Variants in ATP9B observed in about 807,000 individuals in gnomAD.
The protein encoded by ATP9B is probable phospholipid-transporting ATPase IIB.
A neutral mutation model predicts 146.1 loss-of-function variants in ATP9B; 110 were observed. The ratio of observed to expected loss-of-function variants is 0.75; its 90% CI spans 0.65 to 0.88. The LOEUF (loss-of-function observed/expected upper bound fraction) is 0.88, where lower values mean the gene tolerates loss of function less well. Ranked by LOEUF, ATP9B falls within the 40% of genes least tolerant of loss-of-function variation. The probability of loss-of-function intolerance (pLI) is 0.00; values close to 1 mark genes in which losing one functional copy is unlikely to be tolerated. For synonymous variants in ATP9B, 604 were observed against 569.7 expected (o/e 1.06, Z -0.86); for missense variants, 1,499 against 1,496.4 (o/e 1.00, Z -0.03).
chr18:79,299,649 A>G (rs2096576811), intron 13 of ATP9B, among the ~76,000 whole-genome samples: 1 of 152,176 alleles, frequency 6.6e-6, no homozygotes, highest in South Asian at 2.1e-4. Context: ...GCATTGTCTT[A>G]TTCATTTTTA....
chr18:79,345,875 G>C, intron 23 of ATP9B, 36 bp downstream of exon 23: 1 of 1,609,966 alleles, frequency 6.2e-7, no homozygotes, highest in Non-Finnish European at 8.5e-7. Context: ...TTAGCACACA[G>C]TCAGCACACA....
At chr18:79,339,391 T>C (rs1389816643) in intron 19 of ATP9B, among the ~76,000 whole-genome samples, 1 of 147,632 alleles carries the variant, frequency 6.8e-6, no homozygotes, top group Admixed American at 6.8e-5. Context: ...GTAGGAAGTG[T>C]GCATGATTGC....
At position 79,133,287 on chromosome 18, in the gene ATP9B, TCAG is replaced by T. The variant is rs200534467; in HGVS notation, c.667+6913_667+6915del. Among the ~76,000 whole-genome samples the T allele has an allele frequency of 8.6e-4, 131 of 152,328 alleles. 4 individuals carry two copies. The East Asian group carries it at 0.024, about 28-fold the overall frequency. On this transcript the variant is annotated intron_variant, in intron 5 of 29. Coordinates refer to ENST00000426216, the MANE Select transcript of ATP9B (RefSeq NM_198531.5). ...ATCCCAGTATTTCATTCAGGAACATTCAGTATACATCCTGGTATTAGATTGGTG... is the reference window on the plus strand; with the variant it reads ...ATCCCAGTATTTCATTCAGGAACATTTATACATCCTGGTATTAGATTGGTG...
intron 18 of ATP9B, 99 bp downstream of exon 18, chr18:79,336,810 C>T: frequency 7.7e-7 from 1 of 1,294,306 alleles, no homozygotes; most frequent in Middle Eastern, 1.8e-4. Flanking sequence ...GCTGGGATCG[C>T]TATAGTCTAG....
At chr18:79,185,381 C>T (rs960281677) in intron 8 of ATP9B, among the ~76,000 whole-genome samples, 2 of 152,158 alleles carry the variant, frequency 1.3e-5, no homozygotes, top group South Asian at 2.1e-4. Flanking sequence ...GATATATACA[C>T]ATATAAATTC....
chr18:79,307,099 A>G lies in ATP9B; in HGVS notation c.1638A>G (p.Lys546=), dbSNP rs548448121. 1.1e-5 allele frequency: 17 copies of G among 1,614,120 alleles called. No individual in the cohort carries two copies. The highest frequency in any genetic ancestry group is 1.4e-5 in the Non-Finnish European group (17 of 1,180,056). The change falls in exon 15 of 30, where the codon AAA becomes AAG. Residue 546 remains lysine (K), a synonymous_variant. Transcript: ENST00000426216. Reference sequence around the variant, plus strand: ...GTAGTCGAATCCATGAAGCCGTGAAAGCCATCGTGCTGTGTCACAACGTGA... The same window carrying G: ...GTAGTCGAATCCATGAAGCCGTGAAGGCCATCGTGCTGTGTCACAACGTGA... ...SVSSRIHEAV[K]AIVLCHNVTP...
intron 12 of ATP9B, among the ~76,000 whole-genome samples, chr18:79,264,856 G>A (rs971166590): frequency 5.3e-5 from 8 of 152,080 alleles, no homozygotes; most frequent in African/African-American, 1.7e-4. Flanking sequence ...CCCTTGGACT[G>A]TTTTTGTATT....
intron 8 of ATP9B, among the ~76,000 whole-genome samples, chr18:79,179,212 T>C (rs1390642458): frequency 6.6e-6 from 1 of 152,198 alleles, no homozygotes; most frequent in Non-Finnish European, 1.5e-5. Flanking sequence ...TCCTGTCTCT[T>C]TTATCGATCA....
chr18:79,134,127 C>T (rs993339192), intron 5 of ATP9B, among the ~76,000 whole-genome samples: 3 of 152,194 alleles, frequency 2.0e-5, no homozygotes, highest in Non-Finnish European at 4.4e-5. Context: ...CTGTGATTTC[C>T]GAAGTGTGGT....
intron 13 of ATP9B, among the ~76,000 whole-genome samples, chr18:79,301,576 G>A (rs151044390): frequency 1.1e-3 from 161 of 152,290 alleles, no homozygotes; most frequent in African/African-American, 3.5e-3. Context: ...ATTTAATATA[G>A]CCTAGTGTTT....
At chr18:79,158,507 G>A (rs896825870) in intron 7 of ATP9B, among the ~76,000 whole-genome samples, 2 of 152,070 alleles carry the variant, frequency 1.3e-5, no homozygotes, top group East Asian at 3.9e-4. Context: ...TGCCCAGGCT[G>A]GTCTTGACCA....
At chr18:79,253,665 C>G (rs1336919991) in intron 12 of ATP9B, 124 bp downstream of exon 12, 1 of 1,051,502 alleles carries the variant, frequency 9.5e-7, no homozygotes, top group Non-Finnish European at 1.3e-6. Context: ...GCCAGAAGTT[C>G]TGAGGAATCT....
At chr18:79,188,278 T>C (rs2095327860) in intron 8 of ATP9B, among the ~76,000 whole-genome samples, 1 of 152,162 alleles carries the variant, frequency 6.6e-6, no homozygotes, top group African/African-American at 2.4e-5. Context: ...TAGAAATATA[T>C]ATGGTTGCTG....
At chr18:79,236,818 G>A (rs1185337942) in intron 11 of ATP9B, among the ~76,000 whole-genome samples, 1 of 142,012 alleles carries the variant, frequency 7.0e-6, no homozygotes, top group African/African-American at 2.7e-5. Context: ...GTCCGTGCAC[G>A]AGTCAGTGTC....
Position 79,087,081 on chromosome 18 carries a change from G to A in ATP9B, c.120-9395G>A, listed in dbSNP as rs899633813. Among the ~76,000 whole-genome samples the A allele has an allele frequency of 5.3e-5, 8 of 152,214 alleles. No individual in the cohort carries two copies. In the South Asian group the frequency reaches 1.4e-3, roughly 28 times the overall value. ...GGAAGTCCAAGATCAAGGTATTGACGTCTGGTGAGGCCTTCTTGGTGTGTC... is the reference window on the plus strand; with the variant it reads ...GGAAGTCCAAGATCAAGGTATTGACATCTGGTGAGGCCTTCTTGGTGTGTC... On this transcript the variant is annotated intron_variant, in intron 1 of 29. Transcript: ENST00000426216.
intron 12 of ATP9B, among the ~76,000 whole-genome samples, chr18:79,265,163 A>T (rs116563612): frequency 0.015 from 2,352 of 152,252 alleles, 66 homozygotes; most frequent in African/African-American, 0.054. Flanking sequence ...TTAAGTGAGG[A>T]CATGTGGTAT....
At position 79,347,825 on chromosome 18, in the gene ATP9B, T is replaced by C. The variant is rs2096898751; in HGVS notation, c.2738T>C (p.Ile913Thr). The stretch of plus-strand genomic sequence containing the variant: ...TTCTCCATCACGCAGTTCCGGCACA[T>C]AGGCAGGCTGCTCATGGTGCACGGG... ...ADFSITQFRH[I>T]GRLLMVHGRN... The change falls in exon 24 of 30, where the codon ATA becomes ACA. Residue 913 changes from isoleucine (I) to threonine (T), a missense_variant. Coordinates refer to ENST00000426216, the MANE Select transcript of ATP9B (RefSeq NM_198531.5). 1.2e-6 allele frequency: 2 copies of C among 1,613,324 alleles called. No homozygotes were observed. The highest frequency in any genetic ancestry group is 1.7e-6 in the Non-Finnish European group (2 of 1,179,538).
At chr18:79,236,227 C>T (rs1472196147) in intron 11 of ATP9B, among the ~76,000 whole-genome samples, 1 of 152,142 alleles carries the variant, frequency 6.6e-6, no homozygotes, top group East Asian at 1.9e-4. Flanking sequence ...TTTTAGTTTT[C>T]ATTTTCTGGA....
At chr18:79,071,399 C>T (rs56254456) in intron 1 of ATP9B, among the ~76,000 whole-genome samples, 9,380 of 69,202 alleles carry the variant, frequency 0.14, 960 homozygotes, top group Middle Eastern at 0.16. Flanking sequence ...ATTGTTCTTC[C>T]TTTTTTTTTT....
Sources: allele counts gnomAD v4.1 joint callset (sites outside exome capture counted in the v4.1 genomes callset), GRCh38; gene constraint gnomAD v4.1.1; transcripts MANE v1.5; gene names NCBI Gene and HGNC (gene_info 2026-07-23, HGNC 2026-07-21).